Variants in ACAD8 observed in about 807,000 individuals in gnomAD.
ACAD8 encodes acyl-CoA dehydrogenase family member 8.
A neutral mutation model predicts 53.1 loss-of-function variants in ACAD8; 47 were observed. The ratio of observed to expected loss-of-function variants is 0.89; its 90% CI spans 0.70 to 1.13. The LOEUF (loss-of-function observed/expected upper bound fraction) is 1.13, where lower values mean the gene tolerates loss of function less well. Among genes scored for constraint, ACAD8 ranks in the 50% most tolerant of loss-of-function variants. ACAD8 has a pLI of 0.00. For missense variants in ACAD8, 494 were observed against 535.0 expected (o/e 0.92, Z 0.76); for synonymous variants, 198 against 201.3 (o/e 0.98, Z 0.14).
chr11:134,253,737 C>T (rs1436394236), intron 1 of ACAD8, 28 bp downstream of exon 1: 6 of 1,561,650 alleles, frequency 3.8e-6, no homozygotes, highest in Non-Finnish European at 5.2e-6. Flanking sequence ...GGCAGTAGGA[C>T]AGGTGTCCAG....
In ACAD8 at chr11:134,261,961, T is replaced by G. The variant is rs1462096562; in HGVS notation, c.1092+71T>G. 1 of 1,579,958 alleles carries G rather than the reference T, an allele frequency of 6.3e-7. No individual in the cohort carries two copies. Among genetic ancestry groups the G allele is most frequent in the Non-Finnish European group, 8.6e-7 (1 of 1,160,140 alleles). ...CTAGGCCCAGGGGTCTTGAGAGACA[T>G]GAGTCAGATTTGGAACCCAGCCCTC... On this transcript the variant is annotated intron_variant, in intron 9 of 10. Transcript: ENST00000281182. The surrounding 1 kb of genome is among the most constrained non-coding windows in gnomAD (Gnocchi z 4.2).
At chr11:134,256,848 T>C (rs1939559611) in intron 2 of ACAD8, 200 bp downstream of exon 2, 1 of 666,570 alleles carries the variant, frequency 1.5e-6, no homozygotes, top group Non-Finnish European at 2.5e-6. Flanking sequence ...GTTAGTTGAA[T>C]AAAGATTTGG....
Position 134,253,715 on chromosome 11 carries a change from G to T in ACAD8, c.109+6G>T. On this transcript the variant is annotated splice_donor_region_variant and intron_variant, in intron 1 of 10. Coordinates refer to ENST00000281182, the MANE Select transcript of ACAD8 (RefSeq NM_014384.3). ...CTTGACCTCCTGCATCGACCGTAAG[G>T]ATCTCCTGGCGGGCAGTAGGACAGG... 6.3e-7 allele frequency: 1 copy of T among 1,590,144 alleles called. No individual in the cohort carries two copies.
intron 5 of ACAD8, 124 bp downstream of exon 5, chr11:134,259,208 C>T (rs757182695): frequency 1.2e-6 from 1 of 834,744 alleles, no homozygotes. Flanking sequence ...GGGAAGAGAA[C>T]CTCTGACCCA....
chr11:134,258,026 A>C, intron 3 of ACAD8: 1 of 194,922 alleles, frequency 5.1e-6, no homozygotes, highest in South Asian at 8.8e-5. Context: ...ATTTTTTTTC[A>C]TATTTAGTAG....
rs1404062277 is a variant in ACAD8 at position 134,265,127 on chromosome 11, T to C, written c.*167T>C. ...TTGGCACCAGCATCGGGTCTTGGACTGGGGCAGAATCCCCAGTGGAACCGG... is the reference window on the plus strand; with the variant it reads ...TTGGCACCAGCATCGGGTCTTGGACCGGGGCAGAATCCCCAGTGGAACCGG... On this transcript the variant is annotated 3_prime_UTR_variant, in exon 11 of 11. Transcript: ENST00000281182. 2 of 705,168 alleles carry C rather than the reference T, an allele frequency of 2.8e-6. No individual in the cohort carries two copies. The highest frequency in any genetic ancestry group is 5.0e-6 in the Non-Finnish European group (2 of 398,560). The allele number at this position is 705,168 out of a possible 1,614,324, so 43.7% of individuals were successfully genotyped here.
chr11:134,259,593 C>G lies in ACAD8; in HGVS notation c.568-15C>G. 1.9e-6 allele frequency: 3 copies of G among 1,614,046 alleles called. No individual in the cohort carries two copies. The highest frequency in any genetic ancestry group is 2.5e-6 in the Non-Finnish European group (3 of 1,179,960). The stretch of plus-strand genomic sequence containing the variant: ...AGCATTCCCTGGTCCTTTTGCACCC[C>G]TTTTACCCCCACAGGCCTTCATCAG... On this transcript the variant is annotated splice_polypyrimidine_tract_variant and intron_variant, in intron 5 of 10. Transcript: ENST00000281182.
chr11:134,257,080 G>A lies in ACAD8; in HGVS notation c.211-8G>A. 1 of 1,614,114 alleles carries A rather than the reference G, an allele frequency of 6.2e-7. No individual in the cohort carries two copies. The highest frequency in any genetic ancestry group is 1.1e-5 in the South Asian group (1 of 91,086). On this transcript the variant is annotated splice_polypyrimidine_tract_variant and splice_region_variant and intron_variant, in intron 2 of 10. Coordinates refer to ENST00000281182, the MANE Select transcript of ACAD8 (RefSeq NM_014384.3). ...GCTGCTGATCACCCTGCTCTCTTTT[G>A]TACATAGGAGCTGTTCCCAGTGGAT...
rs768701760 is a variant in ACAD8 at position 134,257,225 on chromosome 11, C to A, written c.348C>A (p.Cys116Ter). ...SVIFEALATG[C>*]TSTTAYISIH... is the part of the protein sequence containing the mutation. ...TTTTTGAAGCCTTGGCTACAGGCTG[C>A]ACCAGCACCACAGCCTATATAAGCA... is the stretch of plus-strand genomic sequence containing the variant. Residue 116 changes from cysteine to a stop codon, truncating the protein, a stop_gained, in exon 3 of 11, where the codon TGC becomes TGA. Transcript: ENST00000281182. LOFTEE classifies it high-confidence loss of function. 7.7e-5 allele frequency: 125 copies of A among 1,614,018 alleles called. No homozygotes were observed. Among genetic ancestry groups the A allele is most frequent in the Non-Finnish European group, 1.0e-4 (122 of 1,180,034 alleles).
Position 134,259,719 on chromosome 11 carries a change from C to G in ACAD8, c.679C>G (p.Leu227Val), listed in dbSNP as rs770101596. ...AGTTGTTGAGAAGGGGACCCCTGGC[C>G]TCAGCTTTGGCAAGAAGGAGAAAAA... The part of the protein sequence containing the change: ...CIVVEKGTPG[L>V]SFGKKEKKVG... The change falls in exon 6 of 11, where the codon CTC becomes GTC. Residue 227 changes from leucine (L) to valine (V), a missense_variant. Transcript: ENST00000281182. 8 of 1,614,198 alleles carry G rather than the reference C, an allele frequency of 5.0e-6. No individual in the cohort carries two copies. Among genetic ancestry groups the G allele is most frequent in the Non-Finnish European group, 6.8e-6 (8 of 1,180,034 alleles).
In ACAD8 at chr11:134,259,065, A is replaced by C; in HGVS notation, c.548A>C (p.Tyr183Ser). ...LTSAKKQGDHYILNGSKAFIS... is the reference protein window; with the variant it reads ...LTSAKKQGDHSILNGSKAFIS... ...TCCGCTAAGAAACAGGGAGATCATT[A>C]CATCCTCAATGGCTCCAAGGTACTA... The change falls in exon 5 of 11, where the codon TAC (tyrosine) becomes TCC (serine). Residue 183 changes from tyrosine to serine, a missense_variant. Physicochemically the swap from Tyr to Ser is moderately radical, Grantham distance 144. Transcript: ENST00000281182. 5.6e-6 allele frequency: 9 copies of C among 1,614,168 alleles called. No individual in the cohort carries two copies. Among genetic ancestry groups the C allele is most frequent in the Non-Finnish European group, 7.6e-6 (9 of 1,180,030 alleles).
intron 2 of ACAD8, 35 bp from the exon 3 acceptor site, chr11:134,257,053 C>T (rs1194096132): frequency 6.2e-7 from 1 of 1,613,326 alleles, no homozygotes; most frequent in Non-Finnish European, 8.5e-7. Flanking sequence ...GTCTCTGAAT[C>T]AGCTGCTGAT....
chr11:134,258,929 G>C, intron 4 of ACAD8, 79 bp from the exon 5 acceptor site: 1 of 1,231,834 alleles, frequency 8.1e-7, no homozygotes, highest in South Asian at 1.2e-5. Context: ...AGATTTCCTA[G>C]AAGATAGAAT....
Position 134,261,222 on chromosome 11 carries a change from C to G in ACAD8, c.841+43C>G, listed in dbSNP as rs1396736634. 6.2e-7 allele frequency: 1 copy of G among 1,613,958 alleles called. No homozygotes were observed. The highest frequency in any genetic ancestry group is 8.5e-7 in the Non-Finnish European group (1 of 1,180,004). On this transcript the variant is annotated intron_variant, in intron 7 of 10. Transcript: ENST00000281182. The surrounding 1 kb of genome is among the most constrained non-coding windows in gnomAD (Gnocchi z 4.2). ...GTGGCAGGGAGGTAGCGGTCCGGGACAGGCACTGCTGTTTTCCAGCTTGGT... is the reference window on the plus strand; with the variant it reads ...GTGGCAGGGAGGTAGCGGTCCGGGAGAGGCACTGCTGTTTTCCAGCTTGGT...
rs551537069 is a variant in ACAD8, at chr11:134,253,594, G to A, written c.-7G>A. ...GACTCTTAGCTGAACGCGGAGCTGCGGCGGCTATGCTGTGGAGCGGCTGCC... is the reference window on the plus strand; with the variant it reads ...GACTCTTAGCTGAACGCGGAGCTGCAGCGGCTATGCTGTGGAGCGGCTGCC... On this transcript the variant is annotated 5_prime_UTR_variant, in exon 1 of 11. Transcript: ENST00000281182. 6.5e-5 allele frequency: 102 copies of A among 1,577,512 alleles called. No individual in the cohort carries two copies. Among genetic ancestry groups the A allele is most frequent in the Admixed American group, 1.1e-4 (6 of 55,488 alleles).
intron 1 of ACAD8, among the ~76,000 whole-genome samples, chr11:134,255,125 T>C (rs1383531011): frequency 1.3e-5 from 2 of 152,190 alleles, no homozygotes; most frequent in Non-Finnish European, 2.9e-5. Flanking sequence ...TCATCCTTTG[T>C]GTGAATGGAT....
chr11:134,255,643 G>C (rs1302155802), intron 1 of ACAD8, among the ~76,000 whole-genome samples: 1 of 152,210 alleles, frequency 6.6e-6, no homozygotes, highest in East Asian at 1.9e-4. Flanking sequence ...ATAGGTTTCT[G>C]CTCTGAGTTT....
chr11:134,256,496 T>C, intron 1 of ACAD8, 52 bp from the exon 2 acceptor site: 1 of 1,487,056 alleles, frequency 6.7e-7, no homozygotes, highest in Non-Finnish European at 9.4e-7. Context: ...GGCAACACCT[T>C]GTTGGCAACA....
At chr11:134,263,189 C>T (rs1312594979) in intron 10 of ACAD8, 1 of 1,052,854 alleles carries the variant, frequency 9.5e-7, no homozygotes. Flanking sequence ...TGTCTCCACT[C>T]TCTACAGCCA....
Sources: gnomAD v4.1 joint callset for allele counts (sites outside exome capture counted in the v4.1 genomes callset) on GRCh38, gnomAD v4.1.1 for gene constraint, Gnocchi (gnomAD v3.1) non-coding constraint, MANE v1.5 for transcripts, NCBI Gene and HGNC (gene_info 2026-07-23, HGNC 2026-07-21) for gene names.